The following SETD2 variants were observed in gnomAD, a reference collection of about 807,000 sequenced individuals.
The protein encoded by SETD2 is histone-lysine N-methyltransferase SETD2.
In SETD2, 31 loss-of-function variants were observed where a neutral mutation model predicts 242.1. The observed-to-expected ratio is 0.13, with a 90% CI of 0.10 to 0.17. The LOEUF is 0.17. SETD2 is among the 10% of genes least tolerant of loss of function. The probability of loss-of-function intolerance (pLI) is 1.00; values close to 1 mark genes in which losing one functional copy is unlikely to be tolerated. For synonymous variants in SETD2, 1,006 were observed against 1,066.5 expected, an observed-to-expected ratio of 0.94 and a Z score of 1.11; for missense variants, 2,481 against 3,046.3, an observed-to-expected ratio of 0.81 and a Z score of 4.37.
chr3:47,057,199 G>A lies in SETD2; in HGVS notation c.6585C>T (p.Asp2195=), dbSNP rs2107576194. The part of the protein sequence containing the change: ...GKVLLPTPSM[D]PVCSPAPYDH... ...CATAAGGAGCAGGAGAACACACTGG[G>A]TCCATGCTGGGTGTGGGCAGGAGCA... is the stretch of plus-strand genomic sequence containing the variant. The change falls in exon 15 of 21, where the codon GAC becomes GAT. Residue 2195 remains aspartate, a synonymous_variant. Coordinates refer to ENST00000409792, the MANE Select transcript of SETD2 (RefSeq NM_014159.7). The A allele has an allele frequency of 6.2e-7, 1 of 1,614,222 alleles. No individual in the cohort carries two copies. The highest frequency in any genetic ancestry group is 8.5e-7 in the Non-Finnish European group (1 of 1,180,034).
chr3:47,091,957 A>C (rs900524320), intron 9 of SETD2, among the ~76,000 whole-genome samples: 1 of 151,998 alleles, frequency 6.6e-6, no homozygotes, highest in Non-Finnish European at 1.5e-5. Flanking sequence ...AAACAAACAA[A>C]AAAAAAGAGG....
chr3:47,125,458 GT>G (rs1291830085), intron 2 of SETD2, among the ~76,000 whole-genome samples: 6 of 151,972 alleles, frequency 3.9e-5, no homozygotes, highest in African/African-American at 1.5e-4. Flanking sequence ...TGAGGTTTTG[GT>G]TTTTAAAAAA....
rs572682708 is a variant in SETD2, at chr3:47,086,086, T to C, written c.5397+109A>G. 6 of 1,200,650 alleles carry C rather than the reference T, an allele frequency of 5.0e-6. No homozygotes were observed. In the African/African-American group the frequency reaches 7.6e-5, roughly 15 times the overall value. 74.4% of individuals were successfully genotyped at this position (1,200,650 alleles called of 1,614,324 possible). A position where few individuals can be genotyped will look rare whatever the true frequency, so the allele number is the denominator to read the frequency against. On this transcript the variant is annotated intron_variant, in intron 11 of 20. Coordinates refer to ENST00000409792, the MANE Select transcript of SETD2 (RefSeq NM_014159.7). ...ATGAAAAAATTATTTGATTATTTAATACCAATGATACAGTGCTAAATTCAT... is the reference window on the plus strand; with the variant it reads ...ATGAAAAAATTATTTGATTATTTAACACCAATGATACAGTGCTAAATTCAT...
rs1171872869 is a variant in SETD2 at position 47,062,892 on chromosome 3, A to G, written c.6110-546T>C. ...CAGGAGTTCAAGGCAGCAGTGAGCT[A>G]TGATTGCACCACTGCAGTCCAGCCT... is the stretch of plus-strand genomic sequence containing the variant. On this transcript the variant is annotated intron_variant, in intron 13 of 20. Coordinates refer to ENST00000409792, the MANE Select transcript of SETD2 (RefSeq NM_014159.7). 3.3e-5 allele frequency among the ~76,000 whole-genome samples: 5 copies of G among 152,226 alleles called. No homozygotes were observed. The East Asian group carries it at 7.7e-4, about 24-fold the overall frequency.
At chr3:47,039,662 T>G (rs1293226154) in intron 17 of SETD2, among the ~76,000 whole-genome samples, 1 of 148,742 alleles carries the variant, frequency 6.7e-6, no homozygotes, top group Non-Finnish European at 1.5e-5. Flanking sequence ...GGTCAGGAGT[T>G]TGAGACCAGC....
intron 1 of SETD2, among the ~76,000 whole-genome samples, chr3:47,144,780 A>G (rs1307578300): frequency 6.6e-6 from 1 of 152,110 alleles, no homozygotes; most frequent in Non-Finnish European, 1.5e-5. Flanking sequence ...CAACGTGGTT[A>G]AAACCCCATG....
rs757597436 is a variant in SETD2 at position 47,120,814 on chromosome 3, A to C, written c.3822T>G (p.Pro1274=). The C allele has an allele frequency of 6.2e-7, 1 of 1,614,212 alleles. No homozygotes were observed. The highest frequency in any genetic ancestry group is 8.5e-7 in the Non-Finnish European group (1 of 1,180,038). The change falls in exon 3 of 21, where the codon CCT becomes CCG. Residue 1274 remains proline, a synonymous_variant. Transcript: ENST00000409792. ...QEKPSTTYQQ[P]DSSYGACGGH... ...CACCACAAGCTCCATAGCTACTGTC[A>C]GGTTGCTGATACGTGGTAGAAGGCT...
At chr3:47,116,840 A>G in intron 3 of SETD2, 86 bp from the exon 4 acceptor site, 1 of 995,842 alleles carries the variant, frequency 1.0e-6, no homozygotes, top group Non-Finnish European at 1.5e-6. Context: ...GCCAAATCTC[A>G]TTAGATTCTT....
At chr3:47,140,219 T>G (rs2043694448) in intron 1 of SETD2, among the ~76,000 whole-genome samples, 1 of 152,220 alleles carries the variant, frequency 6.6e-6, no homozygotes, top group Non-Finnish European at 1.5e-5. Context: ...CAACTGTATT[T>G]ATGCCTGAAA....
intron 18 of SETD2, among the ~76,000 whole-genome samples, chr3:47,027,844 T>G (rs1575656483): frequency 6.6e-6 from 1 of 151,268 alleles, no homozygotes; most frequent in Non-Finnish European, 1.5e-5. Flanking sequence ...CAGGCTGGAG[T>G]GCAGTGGCGC....
At chr3:47,043,760 G>A (rs1165034562) in intron 16 of SETD2, among the ~76,000 whole-genome samples, 1 of 152,030 alleles carries the variant, frequency 6.6e-6, no homozygotes, top group Non-Finnish European at 1.5e-5. Context: ...CCCAGCTGGG[G>A]TTTTCTGGCC....
At chr3:47,125,922 T>C (rs2043311422) in intron 2 of SETD2, among the ~76,000 whole-genome samples, 1 of 152,252 alleles carries the variant, frequency 6.6e-6, no homozygotes, top group Non-Finnish European at 1.5e-5. Context: ...AGAGAGTAAC[T>C]TCCCTTTCAA....
chr3:47,134,749 G>A (rs1376384393), intron 1 of SETD2, among the ~76,000 whole-genome samples: 1 of 152,006 alleles, frequency 6.6e-6, no homozygotes, highest in African/African-American at 2.4e-5. Context: ...TCAGCCACTG[G>A]AGTAGCTGGG....
rs1036217503 is a variant in SETD2 at position 47,121,236 on chromosome 3, G to C, written c.3400C>G (p.His1134Asp). Reference sequence around the variant, plus strand: ...TCCGGATTCTTCTCTGTTCCTTTATGAAGGAAAAACTTATCAGTTTGAGGA... The same window carrying C: ...TCCGGATTCTTCTCTGTTCCTTTATCAAGGAAAAACTTATCAGTTTGAGGA... ...ACPQTDKFFL[H>D]KGTEKNPEIS... Residue 1134 changes from histidine (H) to aspartate (D), a missense_variant, in exon 3 of 21, where the codon CAT becomes GAT. Transcript: ENST00000409792. 2.5e-5 allele frequency: 41 copies of C among 1,613,870 alleles called. No homozygotes were observed. The Admixed American group carries it at 6.0e-4, about 24-fold the overall frequency.
intron 13 of SETD2, chr3:47,064,718 T>C (rs1379119727): frequency 4.5e-6 from 1 of 220,300 alleles, no homozygotes; most frequent in Non-Finnish European, 9.9e-6. Flanking sequence ...TTCTATGCTT[T>C]GTTTGACATT....
At chr3:47,064,484 C>T (rs926794560) in intron 13 of SETD2, 7 of 187,328 alleles carry the variant, frequency 3.7e-5, no homozygotes, top group Non-Finnish European at 6.0e-5. Context: ...AGGTTTCTTA[C>T]CTAGTATAAA....
At chr3:47,067,827 C>G (rs953640115) in intron 12 of SETD2, among the ~76,000 whole-genome samples, 30 of 152,168 alleles carry the variant, frequency 2.0e-4, no homozygotes, top group Non-Finnish European at 3.5e-4. Flanking sequence ...ACAATTCCTA[C>G]TATTCAGTGT....
At chr3:47,053,050 C>G (rs944779510) in intron 15 of SETD2, among the ~76,000 whole-genome samples, 7 of 151,838 alleles carry the variant, frequency 4.6e-5, no homozygotes, top group African/African-American at 7.3e-5. Flanking sequence ...CCATCATGCC[C>G]AGCTAATTTT....
intron 12 of SETD2, among the ~76,000 whole-genome samples, chr3:47,082,037 G>T (rs548216384): frequency 1.6e-4 from 24 of 152,108 alleles, no homozygotes; most frequent in Non-Finnish European, 3.1e-4. Flanking sequence ...TAAGAAGAAG[G>T]GGAAGAAATA....
Sources: allele counts gnomAD v4.1 joint callset (sites outside exome capture counted in the v4.1 genomes callset), GRCh38; gene constraint gnomAD v4.1.1; transcripts MANE v1.5; gene names NCBI Gene and HGNC (gene_info 2026-07-23, HGNC 2026-07-21).